The following NCOR2 variants were observed in gnomAD, a reference collection of about 807,000 sequenced individuals.
NCOR2 encodes the protein nuclear receptor corepressor 2, also known as CTG repeat protein 26.
In NCOR2, 81 loss-of-function variants were observed where a neutral mutation model predicts 262.9. That is an observed-to-expected ratio of 0.31 (90% confidence interval 0.26 to 0.37). The LOEUF is 0.37. Among genes scored for constraint, NCOR2 ranks in the 10% least tolerant of loss-of-function variants. The pLI, the probability that NCOR2 is intolerant of heterozygous loss-of-function variation, is 1.00. For missense variants in NCOR2, 3,385 were observed against 3,621.4 expected, an observed-to-expected ratio of 0.93 and a Z score of 1.68; for synonymous variants, 1,659 against 1,559.3, an observed-to-expected ratio of 1.06 and a Z score of -1.51.
intron 13 of NCOR2, 104 bp downstream of exon 15, chr12:124,419,853 T>C: frequency 1.1e-5 from 11 of 1,035,158 alleles, no homozygotes; most frequent in Non-Finnish European, 1.5e-5. Context: ...CAACAACTCA[T>C]GGAGACAGTT....
chr12:124,335,077 C>T, intron 40 of NCOR2, 58 bp downstream of exon 42: 1 of 1,611,402 alleles, frequency 6.2e-7, no homozygotes, highest in Non-Finnish European at 8.5e-7. Flanking sequence ...ATCCCCTCTC[C>T]AGGCCTGGTG....
chr12:124,487,004 C>A (rs1177127521), intron 1 of NCOR2, among the ~76,000 whole-genome samples: 2 of 152,228 alleles, frequency 1.3e-5, no homozygotes, highest in African/African-American at 4.8e-5. Context: ...ACCCTCCCAC[C>A]CCATCCTACC....
chr12:124,360,830 A>G (rs933779636), intron 22 of NCOR2, among the ~76,000 whole-genome samples: 6 of 151,222 alleles, frequency 4.0e-5, no homozygotes, highest in Non-Finnish European at 8.8e-5. Context: ...GCCGCTCTTC[A>G]CTCAACCCGT....
intron 7 of NCOR2, among the ~76,000 whole-genome samples, chr12:124,447,481 T>C (rs2045249427): frequency 6.6e-6 from 1 of 152,230 alleles, no homozygotes; most frequent in Non-Finnish European, 1.5e-5. Flanking sequence ...GCTGTCTTTA[T>C]TACCTGAAAT....
At chr12:124,546,138 T>C (rs1436972505) in intron 1 of NCOR2, among the ~76,000 whole-genome samples, 1 of 152,156 alleles carries the variant, frequency 6.6e-6, no homozygotes. Context: ...CTGCACTGCT[T>C]TCTAGCTCTG....
intron 1 of NCOR2, among the ~76,000 whole-genome samples, chr12:124,494,073 C>T (rs2048243639): frequency 6.6e-6 from 1 of 152,200 alleles, no homozygotes; most frequent in Non-Finnish European, 1.5e-5. Context: ...AGGGGCCCAA[C>T]CTACAGGAGG....
In NCOR2 at chr12:124,432,340, C is replaced by T. The variant is rs1415545142; in HGVS notation, c.883-1553G>A. On this transcript the variant is annotated intron_variant, in intron 8 of 46. Transcript: ENST00000405201. The surrounding 1 kb of genome is among the most constrained non-coding windows in gnomAD (Gnocchi z 5.1). ...CAGACTTCCCCTGAGGACACGGTCA[C>T]CTCCCTTCCTGGTGAACCGGCCACC... 1.3e-5 allele frequency among the ~76,000 whole-genome samples: 2 copies of T among 152,212 alleles called. No individual in the cohort carries two copies. The highest frequency in any genetic ancestry group is 2.9e-5 in the Non-Finnish European group (2 of 68,032).
chr12:124,408,773 A>T (rs2042412115), intron 13 of NCOR2, among the ~76,000 whole-genome samples: 1 of 152,210 alleles, frequency 6.6e-6, no homozygotes, highest in Non-Finnish European at 1.5e-5. Context: ...ATTTTTTTTA[A>T]AGAAAGAAAG....
chr12:124,387,030 T>C (rs1447675110), intron 16 of NCOR2, among the ~76,000 whole-genome samples: 7 of 152,248 alleles, frequency 4.6e-5, no homozygotes, highest in Non-Finnish European at 1.5e-5. Flanking sequence ...GCTCGGGACA[T>C]GGCAGCCTCT....
At chr12:124,461,056 G>A (rs1326505551) in intron 5 of NCOR2, among the ~76,000 whole-genome samples, 6 of 152,266 alleles carry the variant, frequency 3.9e-5, no homozygotes, top group African/African-American at 1.4e-4. Flanking sequence ...CCGGCCCAAA[G>A]GAGGGCTTCA....
chr12:124,544,069 A>ACGCCGCCTCTGCC (rs2137233930), intron 1 of NCOR2, among the ~76,000 whole-genome samples: 1 of 152,260 alleles, frequency 6.6e-6, no homozygotes, highest in South Asian at 2.1e-4. Flanking sequence ...AGCACCAGCG[A>ACGCCGCCTCTGCC]CGCCGCCTCT....
chr12:124,333,710 TC>T (rs2035460316), intron 41 of NCOR2, among the ~76,000 whole-genome samples: 1 of 149,128 alleles, frequency 6.7e-6, no homozygotes, highest in Non-Finnish European at 1.5e-5. Flanking sequence ...CTCAGGGCCC[TC>T]CCCTCTCTTT....
intron 7 of NCOR2, among the ~76,000 whole-genome samples, chr12:124,447,518 C>G (rs1396180241): frequency 2.0e-5 from 3 of 152,108 alleles, no homozygotes; most frequent in Non-Finnish European, 2.9e-5. Context: ...CTTAAAATAT[C>G]ACTCACTTTA....
In NCOR2 at chr12:124,402,319, G is replaced by A. The variant is rs1424120431; in HGVS notation, c.1640+85C>T. 40 of 1,574,618 alleles carry A rather than the reference G, an allele frequency of 2.5e-5. 1 individual carries two copies. The highest frequency in any genetic ancestry group is 4.5e-5 in the East Asian group (2 of 44,380). On this transcript the variant is annotated intron_variant, in intron 14 of 46. Transcript: ENST00000405201. ...CAGGCAATTGGTGGGCACCCCACCC[G>A]TCTCTACAAAGGGTCCCCCAGAACC...
Position 124,509,235 on chromosome 12 carries a change from T to TTG in NCOR2, c.-117-13868_-117-13867insCA, listed in dbSNP as rs1555234137. ...CCAGCCAAAGTGGCACTGGCTTTGG[T>TTG]GGGGGGGGGGGGGGCTTAACTCTGA... On this transcript the variant is annotated intron_variant, in intron 1 of 46. Coordinates refer to the NCOR2 transcript ENST00000404621. Among the ~76,000 whole-genome samples the TTG allele has an allele frequency of 2.4e-4, 13 of 55,086 alleles. 3 individuals are homozygous for TTG. The highest frequency in any genetic ancestry group is 9.7e-4 in the African/African-American group (13 of 13,360). 36.1% of individuals were successfully genotyped at this position (55,086 alleles called of 152,430 possible).
chr12:124,442,232 C>T (rs2044853103), intron 7 of NCOR2, among the ~76,000 whole-genome samples: 1 of 152,208 alleles, frequency 6.6e-6, no homozygotes, highest in Non-Finnish European at 1.5e-5. Flanking sequence ...CATCCTTGAA[C>T]TCCTGGGCTC....
rs2041136178 is a variant in NCOR2, at chr12:124,389,659, G to C, written c.1877-3772C>G. 6.6e-6 allele frequency among the ~76,000 whole-genome samples: 1 copy of C among 152,144 alleles called. No homozygotes were observed. Among genetic ancestry groups the C allele is most frequent in the Non-Finnish European group, 1.5e-5 (1 of 68,030 alleles). On this transcript the variant is annotated intron_variant, in intron 16 of 46. Transcript: ENST00000405201. This position sits in a 1 kb window ranked among gnomAD's most constrained non-coding sequence, Gnocchi z 4.4. ...GACCGAGCCCTCTGTCGGGGACTGT[G>C]GGTGGGCAGGGCTAGCCTCGCATTC... is the stretch of plus-strand genomic sequence containing the variant.
At chr12:124,326,282 T>A (rs1593054882) in exon 46 of NCOR2, 1 of 1,563,620 alleles carries the variant, frequency 6.4e-7, no homozygotes, top group Non-Finnish European at 8.6e-7. Context: ...AGACAGAGGG[T>A]GGCCGGTCCC....
At chr12:124,350,737 C>T in exon 28 of NCOR2, 2 of 1,610,144 alleles carry the variant, frequency 1.2e-6, no homozygotes, top group Non-Finnish European at 1.7e-6. Context: ...GCTGGCGTGC[C>T]CTGCAGGTGC....
Sources: allele counts gnomAD v4.1 joint callset (sites outside exome capture counted in the v4.1 genomes callset), GRCh38; gene constraint gnomAD v4.1.1; non-coding constraint Gnocchi (gnomAD v3.1); transcripts MANE v1.5; gene names NCBI Gene and HGNC (gene_info 2026-07-23, HGNC 2026-07-21).